Variants in ZEB1 observed in about 807,000 individuals in gnomAD.
The protein encoded by ZEB1 is zinc finger E-box binding homeobox 1.
ZEB1 carries 21 observed loss-of-function variants against 84.9 expected under a neutral mutation model. That is an observed-to-expected ratio of 0.25 (90% CI 0.18 to 0.36). The LOEUF (loss-of-function observed/expected upper bound fraction) is 0.36. ZEB1 is among the 10% of genes least tolerant of loss of function. ZEB1 has a pLI of 1.00. For missense variants in ZEB1, 1,104 were observed against 1,330.2 expected, an observed-to-expected ratio of 0.83 and a Z score of 2.65; for synonymous variants, 420 against 471.1, an observed-to-expected ratio of 0.89 and a Z score of 1.41.
chr10:31,349,717 T>C (rs1378312341), intron 1 of ZEB1, among the ~76,000 whole-genome samples: 1 of 152,228 alleles, frequency 6.6e-6, no homozygotes, highest in African/African-American at 2.4e-5. Flanking sequence ...TTGTATGTCA[T>C]CCCTTATGAA....
Position 31,529,737 on chromosome 10 carries a change from GATT to G in ZEB1, c.*2477_*2479del, listed in dbSNP as rs765198767. On this transcript the variant is annotated 3_prime_UTR_variant, in exon 9 of 9. Coordinates refer to ENST00000424869, the MANE Select transcript of ZEB1 (RefSeq NM_001174096.2). Reference sequence around the variant, plus strand: ...TATATGTTAAATGATCTAATAATTTGATTATTTTCTTATAAGTCTTATTAAACA... The same window carrying G: ...TATATGTTAAATGATCTAATAATTTGATTTTCTTATAAGTCTTATTAAACA... 1.3e-5 allele frequency: 2 copies of G among 152,152 alleles called. No individual in the cohort carries two copies. Among genetic ancestry groups the G allele is most frequent in the African/African-American group, 2.4e-5 (1 of 41,428 alleles). The allele number at this position is 152,152 out of a possible 1,614,324, so 9.4% of individuals were successfully genotyped here. A position where few individuals can be genotyped will look rare whatever the true frequency, so the allele number is the denominator to read the frequency against.
chr10:31,336,025 C>G (rs1304034410), intron 1 of ZEB1, among the ~76,000 whole-genome samples: 1 of 152,046 alleles, frequency 6.6e-6, no homozygotes, highest in African/African-American at 2.4e-5. Context: ...TGCTCAATAT[C>G]TTTATGGAGA....
At chr10:31,474,364 G>GA (rs2138118877) in intron 2 of ZEB1, among the ~76,000 whole-genome samples, 1 of 151,614 alleles carries the variant, frequency 6.6e-6, no homozygotes, top group African/African-American at 2.4e-5. Context: ...AAATTTACAA[G>GA]AAAAAAACAA....
At chr10:31,370,837 GT>G (rs2045569089) in intron 1 of ZEB1, among the ~76,000 whole-genome samples, 2 of 152,160 alleles carry the variant, frequency 1.3e-5, no homozygotes, top group East Asian at 1.9e-4. Flanking sequence ...GACTGGACCT[GT>G]TTCTTTATTT....
intron 3 of ZEB1, among the ~76,000 whole-genome samples, chr10:31,496,140 G>A (rs916541270): frequency 2.0e-5 from 3 of 152,006 alleles, no homozygotes; most frequent in African/African-American, 7.2e-5. Context: ...CTTCTATCAA[G>A]TTTTTGACCA....
chr10:31,362,719 A>G, intron 1 of ZEB1: 2 of 509,884 alleles, frequency 3.9e-6, no homozygotes, highest in Admixed American at 2.9e-5. Flanking sequence ...CACTTCCCAG[A>G]TGGTGCAGGC....
intron 2 of ZEB1, among the ~76,000 whole-genome samples, chr10:31,483,471 T>A (rs2065324203): frequency 1.3e-5 from 2 of 152,012 alleles, no homozygotes; most frequent in African/African-American, 4.8e-5. Context: ...AAATATGATA[T>A]CCATACATAT....
chr10:31,323,666 T>C (rs1015962475), intron 1 of ZEB1, among the ~76,000 whole-genome samples: 3 of 152,106 alleles, frequency 2.0e-5, no homozygotes, highest in African/African-American at 7.2e-5. Context: ...TGTATTTAAA[T>C]AATTCCTTTC....
intron 2 of ZEB1, among the ~76,000 whole-genome samples, chr10:31,489,859 A>G (rs901470639): frequency 1.3e-5 from 2 of 151,400 alleles, no homozygotes; most frequent in Admixed American, 6.6e-5. Context: ...CTTCTTTATG[A>G]CAGTCTTCCT....
intron 1 of ZEB1, among the ~76,000 whole-genome samples, chr10:31,349,040 T>G (rs1487620419): frequency 6.6e-6 from 1 of 152,162 alleles, no homozygotes; most frequent in Non-Finnish European, 1.5e-5. Context: ...CCTGTTTAGA[T>G]GAAATTTTGT....
At chr10:31,341,430 G>A (rs1348245960) in intron 1 of ZEB1, among the ~76,000 whole-genome samples, 2 of 152,138 alleles carry the variant, frequency 1.3e-5, no homozygotes, top group African/African-American at 2.4e-5. Flanking sequence ...CAGGGATAGC[G>A]ATGACACCAA....
chr10:31,504,975 A>G (rs2068730187), intron 4 of ZEB1, among the ~76,000 whole-genome samples: 1 of 152,160 alleles, frequency 6.6e-6, no homozygotes, highest in African/African-American at 2.4e-5. Flanking sequence ...GGACTTTCCA[A>G]TACTGTGTTG....
At chr10:31,338,163 T>G (rs2038584210) in intron 1 of ZEB1, among the ~76,000 whole-genome samples, 1 of 152,264 alleles carries the variant, frequency 6.6e-6, no homozygotes, top group African/African-American at 2.4e-5. Context: ...AGGTATTACC[T>G]TATTATATTT....
At chr10:31,458,337 TG>T (rs1213285213) in intron 1 of ZEB1, among the ~76,000 whole-genome samples, 4 of 77,844 alleles carry the variant, frequency 5.1e-5, no homozygotes, top group African/African-American at 4.8e-4. Flanking sequence ...GTGTGTGTGT[TG>T]TGTGTGTGTG....
chr10:31,434,153 A>C (rs559900694), intron 1 of ZEB1, among the ~76,000 whole-genome samples: 1 of 152,202 alleles, frequency 6.6e-6, no homozygotes. Flanking sequence ...ACTATTTTGC[A>C]TAAGTTATTT....
intron 1 of ZEB1, among the ~76,000 whole-genome samples, chr10:31,448,499 G>A (rs1451793635): frequency 6.6e-6 from 1 of 150,402 alleles, no homozygotes; most frequent in Non-Finnish European, 1.5e-5. Context: ...CTGCGTTTTA[G>A]AGTTTCCACT....
intron 1 of ZEB1, among the ~76,000 whole-genome samples, chr10:31,395,644 T>C (rs1320425633): frequency 1.3e-5 from 2 of 152,174 alleles, no homozygotes; most frequent in Non-Finnish European, 2.9e-5. Flanking sequence ...GGGGGAACCC[T>C]GAACATCAGA....
In ZEB1 at chr10:31,494,266, T is replaced by C. The variant is rs540921140; in HGVS notation, c.260-1510T>C. ...CTTTGTAAACACTTTACCAAGAATT[T>C]TTAAACTGTCATTTTGCTGATGGAA... On this transcript the variant is annotated intron_variant, in intron 2 of 8. Coordinates refer to ENST00000424869, the MANE Select transcript of ZEB1 (RefSeq NM_001174096.2). Among the ~76,000 whole-genome samples, 18 of 152,110 alleles carry C rather than the reference T, an allele frequency of 1.2e-4. No individual in the cohort carries two copies. In the South Asian group the frequency reaches 1.5e-3, roughly 12 times the overall value.
Position 31,319,269 on chromosome 10 carries a change from A to C in ZEB1, c.35A>C (p.Gln12Pro). 6.2e-7 allele frequency: 1 copy of C among 1,609,912 alleles called. No individual in the cohort carries two copies. Among genetic ancestry groups the C allele is most frequent in the Non-Finnish European group, 8.5e-7 (1 of 1,178,638 alleles). Residue 12 changes from glutamine to proline, a missense_variant, in exon 1 of 9, where the codon CAG (glutamine) becomes CCG (proline). Physicochemically the swap from Gln to Pro is moderately conservative, Grantham distance 76 (BLOSUM62 -1). This residue lies in a region of ZEB1 where 162 missense variants were observed against 184.5 expected (regional missense o/e 0.88). Coordinates refer to ENST00000424869, the MANE Select transcript of ZEB1 (RefSeq NM_001174096.2). ...ADGPRCKRRKQANPRRNNVTN... is the reference protein window; with the variant it reads ...ADGPRCKRRKPANPRRNNVTN... ...GGCCCCAGGTGTAAGCGCAGAAAGC[A>C]GGCGAACCCGCGGCGCAATAACGGT...
Sources: allele counts gnomAD v4.1 joint callset (sites outside exome capture counted in the v4.1 genomes callset), GRCh38; gene constraint gnomAD v4.1.1; regional missense constraint gnomAD v4.1.1; transcripts MANE v1.5; gene names NCBI Gene and HGNC (gene_info 2026-07-23, HGNC 2026-07-21).